The following ANP32B variants were observed in gnomAD, a reference collection of about 807,000 sequenced individuals.
The protein encoded by ANP32B is acidic leucine-rich nuclear phosphoprotein 32 family member B.
Under a neutral mutation model 32.2 loss-of-function variants are expected in ANP32B, and 6 were observed. The observed-to-expected ratio is 0.19, with a 90% CI of 0.10 to 0.37. The LOEUF is 0.37. Among genes scored for constraint, ANP32B ranks in the 10% least tolerant of loss-of-function variants. The probability of loss-of-function intolerance (pLI) is 1.00; values close to 1 mark genes in which losing one functional copy is unlikely to be tolerated. For missense variants in ANP32B, 204 were observed against 289.2 expected (o/e 0.71, Z 2.14); for synonymous variants, 98 against 105.8 (o/e 0.93, Z 0.45).
chr9:98,011,889 C>T (rs1483343439), intron 5 of ANP32B, among the ~76,000 whole-genome samples: 1 of 152,082 alleles, frequency 6.6e-6, no homozygotes, highest in African/African-American at 2.4e-5. Flanking sequence ...ATAGAGGATC[C>T]CTGAGGAAAT....
intron 1 of ANP32B, among the ~76,000 whole-genome samples, chr9:97,989,761 A>G (rs1019144255): frequency 2.0e-5 from 3 of 152,154 alleles, no homozygotes; most frequent in African/African-American, 7.2e-5. Flanking sequence ...CTAGATCTCT[A>G]TACCCAGGAA....
At chr9:97,989,037 G>A (rs560967627) in intron 1 of ANP32B, among the ~76,000 whole-genome samples, 29 of 152,254 alleles carry the variant, frequency 1.9e-4, no homozygotes, top group African/African-American at 7.0e-4. Context: ...TAATAGCTAG[G>A]GGAGTGGCAA....
chr9:97,983,404 T>A lies in ANP32B; in HGVS notation c.-152T>A. 1 of 617,188 alleles carries A rather than the reference T, an allele frequency of 1.6e-6. No homozygotes were observed. The highest frequency in any genetic ancestry group is 3.3e-5 in the East Asian group (1 of 30,498). 38.2% of individuals were successfully genotyped at this position (617,188 alleles called of 1,614,324 possible). A position where few individuals can be genotyped will look rare whatever the true frequency, so the allele number is the denominator to read the frequency against. ...CTTGGCTCCGGGGGCTCCGCTCGCC[T>A]GCCCGCACGCCGCCCGCCACCCAGG... On this transcript the variant is annotated 5_prime_UTR_variant, in exon 1 of 7. Transcript: ENST00000339399.
intron 1 of ANP32B, among the ~76,000 whole-genome samples, chr9:97,985,023 C>T (rs990346322): frequency 6.6e-6 from 1 of 150,794 alleles, no homozygotes; most frequent in African/African-American, 2.4e-5. Flanking sequence ...TGGGAATTGC[C>T]CCATTCGTCT....
intron 1 of ANP32B, chr9:97,984,629 C>T (rs1232442978): frequency 6.6e-6 from 1 of 150,818 alleles, no homozygotes; most frequent in Non-Finnish European, 1.5e-5. Flanking sequence ...GGCCCACGAG[C>T]TTGGCCTTGC....
intron 3 of ANP32B, among the ~76,000 whole-genome samples, chr9:98,003,874 T>C (rs1303996024): frequency 1.3e-5 from 2 of 152,202 alleles, no homozygotes; most frequent in African/African-American, 4.8e-5. Flanking sequence ...TATCCAGATA[T>C]ATGTAGTTAT....
intron 3 of ANP32B, among the ~76,000 whole-genome samples, chr9:98,000,315 A>G (rs889000287): frequency 8.5e-5 from 13 of 152,166 alleles, no homozygotes; most frequent in Non-Finnish European, 1.8e-4. Context: ...TAAGTTGTCC[A>G]TATTTAAGAG....
intron 6 of ANP32B, 22 bp from the exon 7 acceptor site, chr9:98,015,342 G>C: frequency 1.9e-6 from 3 of 1,550,272 alleles, no homozygotes; most frequent in Non-Finnish European, 2.6e-6. Flanking sequence ...CTGTCCTAAA[G>C]TCAATTTTTG....
chr9:98,001,314 C>T (rs551104181), intron 3 of ANP32B, among the ~76,000 whole-genome samples: 1 of 151,958 alleles, frequency 6.6e-6, no homozygotes, highest in South Asian at 2.1e-4. Context: ...GCCTCAGCCT[C>T]CCAAGTAGCT....
At chr9:97,996,944 T>C (rs1176553076) in intron 2 of ANP32B, among the ~76,000 whole-genome samples, 1 of 152,206 alleles carries the variant, frequency 6.6e-6, no homozygotes, top group African/African-American at 2.4e-5. Flanking sequence ...AAAAAATTGA[T>C]GTGTAAATGT....
rs998183204 is a variant in ANP32B at position 98,011,213 on chromosome 9, CTT to C, written c.518-56_518-55del. On this transcript the variant is annotated intron_variant, in intron 4 of 6. Coordinates refer to ENST00000339399, the MANE Select transcript of ANP32B (RefSeq NM_006401.3). ...TGAGCCAGCCCACAGATCCTCAACA[CTT>C]TGTCCCCTGTGGAGCGTCGAGGATA... is the stretch of plus-strand genomic sequence containing the variant. The C allele has an allele frequency of 3.1e-5, 47 of 1,527,058 alleles. No homozygotes were observed. The Admixed American group carries it at 9.5e-4, about 31-fold the overall frequency. The allele number at this position is 1,527,058 out of a possible 1,614,324, so 94.6% of individuals were successfully genotyped here.
At chr9:97,996,764 T>C (rs541639615) in intron 2 of ANP32B, among the ~76,000 whole-genome samples, 1 of 152,026 alleles carries the variant, frequency 6.6e-6, no homozygotes, top group Admixed American at 6.5e-5. Flanking sequence ...TGGCTACTTT[T>C]TGTATTTTTT....
rs1827829129 is a variant in ANP32B, at chr9:97,991,811, CA to C, written c.55-2817del. 3.3e-5 allele frequency among the ~76,000 whole-genome samples: 5 copies of C among 152,182 alleles called. 1 individual carries two copies. The South Asian group carries it at 1.0e-3, about 31-fold the overall frequency. Reference sequence around the variant, plus strand: ...TATTTATAGTAGGGAAAATTGAGCACAAATGTTCAACACGAAGGATTGTAAA... The same window carrying C: ...TATTTATAGTAGGGAAAATTGAGCACAATGTTCAACACGAAGGATTGTAAA... On this transcript the variant is annotated intron_variant, in intron 1 of 6. Coordinates refer to ENST00000339399, the MANE Select transcript of ANP32B (RefSeq NM_006401.3).
intron 4 of ANP32B, among the ~76,000 whole-genome samples, chr9:98,006,697 A>C (rs1287023048): frequency 1.3e-5 from 2 of 152,224 alleles, no homozygotes; most frequent in South Asian, 2.1e-4. Flanking sequence ...TGAAACCTTC[A>C]AAACCACTTC....
chr9:97,983,799 C>G (rs1231068746), intron 1 of ANP32B, among the ~76,000 whole-genome samples, 190 bp downstream of exon 1: 1 of 151,516 alleles, frequency 6.6e-6, no homozygotes, highest in East Asian at 2.0e-4. Flanking sequence ...TTGCCGCCCG[C>G]GGGCCCCTGG....
intron 6 of ANP32B, among the ~76,000 whole-genome samples, chr9:98,013,010 G>A (rs994049092): frequency 3.9e-5 from 6 of 152,156 alleles, no homozygotes; most frequent in Non-Finnish European, 5.9e-5. Flanking sequence ...GATTACAGGC[G>A]TGAGCCACCA....
chr9:98,005,654 C>T (rs1828069266), intron 4 of ANP32B, among the ~76,000 whole-genome samples: 2 of 152,324 alleles, frequency 1.3e-5, no homozygotes, highest in Admixed American at 1.3e-4. Context: ...AGCACCTGGC[C>T]TCAAGGGATC....
At position 97,983,541 on chromosome 9, in the gene ANP32B, G is replaced by A. The variant is rs1318037123; in HGVS notation, c.-15G>A. ...CCGCGGAAAGTTAAGTTTGAAGAGG[G>A]GGGAAGAGGGGAACATGGACATGAA... On this transcript the variant is annotated 5_prime_UTR_variant, in exon 1 of 7. Coordinates refer to ENST00000339399, the MANE Select transcript of ANP32B (RefSeq NM_006401.3). 2.5e-6 allele frequency: 4 copies of A among 1,569,762 alleles called. No homozygotes were observed. The highest frequency in any genetic ancestry group is 1.9e-5 in the Admixed American group (1 of 54,022).
At chr9:98,011,530 G>T in intron 5 of ANP32B, 141 bp downstream of exon 5, 1 of 1,272,850 alleles carries the variant, frequency 7.9e-7, no homozygotes, top group Non-Finnish European at 1.1e-6. Context: ...TATGAATCTG[G>T]TTAATTTAGT....
Sources: gnomAD v4.1 joint callset for allele counts (sites outside exome capture counted in the v4.1 genomes callset) on GRCh38, gnomAD v4.1.1 for gene constraint, MANE v1.5 for transcripts, NCBI Gene and HGNC (gene_info 2026-07-23, HGNC 2026-07-21) for gene names.